Variants in ZAP70 observed in about 807,000 individuals in gnomAD.
ZAP70 encodes the protein tyrosine-protein kinase ZAP-70.
Under a neutral mutation model 65.8 loss-of-function variants are expected in ZAP70, and 27 were observed. The observed-to-expected ratio is 0.41, with a 90% CI of 0.30 to 0.57. The LOEUF (loss-of-function observed/expected upper bound fraction) is 0.57, where lower values mean the gene tolerates loss of function less well. Among genes scored for constraint, ZAP70 ranks in the 20% least tolerant of loss-of-function variants. ZAP70 has a pLI of 0.28. For missense variants in ZAP70, 696 were observed against 870.5 expected, an observed-to-expected ratio of 0.80 and a Z score of 2.52; for synonymous variants, 363 against 360.8, an observed-to-expected ratio of 1.01 and a Z score of -0.07.
At position 97,733,533 on chromosome 2, in the gene ZAP70, G is replaced by GCCTT; in HGVS notation, c.838-11_838-10insCCTT. 1.2e-6 allele frequency: 2 copies of GCCTT among 1,613,644 alleles called. No homozygotes were observed. Among genetic ancestry groups the GCCTT allele is most frequent in the Non-Finnish European group, 8.5e-7 (1 of 1,179,982 alleles). Reference sequence around the variant, plus strand: ...CCCCAGCTCAGGCCTTGCTGACCCTGTGGCCTTTAGCCTCAGAGACGAATC... The same window carrying GCCTT: ...CCCCAGCTCAGGCCTTGCTGACCCTGCCTTTGGCCTTTAGCCTCAGAGACGAATC... On this transcript the variant is annotated splice_polypyrimidine_tract_variant and intron_variant, in intron 7 of 13. Coordinates refer to ENST00000264972, the MANE Select transcript of ZAP70 (RefSeq NM_001079.4).
At position 97,734,689 on chromosome 2, in the gene ZAP70, C is replaced by A; in HGVS notation, c.1059C>A (p.Arg353=). ...GCTGCGGCAACTTTGGCTCAGTGCG[C>A]CAGGGCGTGTACCGCATGCGCAAGT... is the stretch of plus-strand genomic sequence containing the variant. ...ELGCGNFGSV[R]QGVYRMRKKQ... is the part of the protein sequence containing the mutation. Residue 353 remains arginine (R), a synonymous_variant, in exon 9 of 14, where the codon CGC becomes CGA. Transcript: ENST00000264972. The A allele has an allele frequency of 6.2e-7, 1 of 1,614,054 alleles. No individual in the cohort carries two copies. The highest frequency in any genetic ancestry group is 1.1e-5 in the South Asian group (1 of 91,088).
Position 97,739,681 on chromosome 2 carries a change from G to A in ZAP70, c.*183G>A, listed in dbSNP as rs199740697. 4 of 982,400 alleles carry A rather than the reference G, an allele frequency of 4.1e-6. No individual in the cohort carries two copies. Among genetic ancestry groups the A allele is most frequent in the Non-Finnish European group, 5.9e-6 (4 of 675,980 alleles). 60.9% of individuals were successfully genotyped at this position (982,400 alleles called of 1,614,324 possible). The stretch of plus-strand genomic sequence containing the variant: ...CTGGCCCCCTGTCCTCTCTGGCTGG[G>A]GAGCAGGGAGGTCCGGGAGGGTGCG... On this transcript the variant is annotated 3_prime_UTR_variant, in exon 14 of 14. Coordinates refer to ENST00000264972, the MANE Select transcript of ZAP70 (RefSeq NM_001079.4).
At chr2:97,735,115 T>C (rs1333065932) in intron 9 of ZAP70, 135 bp from the exon 10 acceptor site, 15 of 1,083,270 alleles carry the variant, frequency 1.4e-5, no homozygotes, top group Non-Finnish European at 1.9e-5. Context: ...TTGAGCGCCT[T>C]GGTCCCAGCC....
rs1677298086 is a variant in ZAP70, at chr2:97,724,513, A to G, written c.402+75A>G. 4.0e-6 allele frequency: 6 copies of G among 1,514,630 alleles called. No homozygotes were observed. The South Asian group carries it at 7.4e-5, about 19-fold the overall frequency. The allele number at this position is 1,514,630 out of a possible 1,614,324, so 93.8% of individuals were successfully genotyped here. A position where few individuals can be genotyped will look rare whatever the true frequency, so the allele number is the denominator to read the frequency against. The stretch of plus-strand genomic sequence containing the variant: ...GGGCAGTCGAGGGTTTTGGGGGGAT[A>G]GGAGGGAGGAAAAGGTCGTCTTCCC... On this transcript the variant is annotated intron_variant, in intron 3 of 13. Transcript: ENST00000264972.
At position 97,725,194 on chromosome 2, in the gene ZAP70, A is replaced by C; in HGVS notation, c.505A>C (p.Thr169Pro). 2 of 1,614,082 alleles carry C rather than the reference A, an allele frequency of 1.2e-6. No individual in the cohort carries two copies. The change falls in exon 4 of 14, where the codon ACG becomes CCG. Residue 169 changes from threonine to proline, a missense_variant. Thr to Pro is a conservative substitution (Grantham distance 38, BLOSUM62 -1). Around this residue, in one of 3 missense-constraint regions of ZAP70, gnomAD observed 551 missense variants for 630.0 expected, o/e 0.87. Transcript: ENST00000264972. ...GATGCCCTGGTACCACAGCAGCCTG[A>C]CGCGTGAGGAGGCCGAGCGCAAACT... ...ERMPWYHSSL[T>P]REEAERKLYS... is the part of the protein sequence containing the mutation.
intron 2 of ZAP70, among the ~76,000 whole-genome samples, chr2:97,717,370 A>ACATGCGGAGCCTCTGGCTGGGGG (rs1676971021): frequency 2.9e-5 from 3 of 103,238 alleles, no homozygotes; most frequent in African/African-American, 9.0e-5. Context: ...CTGGCTGGGG[A>ACATGCGGAGCCTCTGGCTGGGGG]GACATGCGGA....
In ZAP70 at chr2:97,731,429, T is replaced by C. The variant is rs976182934; in HGVS notation, c.564-1454T>C. ...CCCAGCCTACTGTCTCTGTGGGATG[T>C]TTGTTTCCTAATTTGTGGTGGGTTC... is the stretch of plus-strand genomic sequence containing the variant. On this transcript the variant is annotated intron_variant, in intron 4 of 13. Transcript: ENST00000264972. This position sits in a 1 kb window ranked among gnomAD's most constrained non-coding sequence, Gnocchi z 4.0. Among the ~76,000 whole-genome samples the C allele has an allele frequency of 9.2e-5, 14 of 152,050 alleles. No homozygotes were observed. Among genetic ancestry groups the C allele is most frequent in the African/African-American group, 3.4e-4 (14 of 41,406 alleles).
At chr2:97,734,422 G>A (rs955373496) in intron 8 of ZAP70, 98 bp from the exon 9 acceptor site, 125 of 1,480,310 alleles carry the variant, frequency 8.4e-5, no homozygotes, top group Non-Finnish European at 1.1e-4. Context: ...CTCCAGGGAC[G>A]GCACCCTTGT....
downstream of ZAP70, among the ~76,000 whole-genome samples, chr2:97,742,095 CG>C (rs1255841921): frequency 7.9e-5 from 12 of 152,034 alleles, no homozygotes; most frequent in Admixed American, 6.5e-5. Flanking sequence ...GAGGTTTTGG[CG>C]GGGCTGGAAG....
Position 97,739,631 on chromosome 2 carries a change from G to A in ZAP70, c.*133G>A. On this transcript the variant is annotated 3_prime_UTR_variant, in exon 14 of 14. Coordinates refer to ENST00000264972, the MANE Select transcript of ZAP70 (RefSeq NM_001079.4). Reference sequence around the variant, plus strand: ...TGGGCTGTGGTAGGGGGTGTCTCAGGCCACACCGGCCTTGCATTGCCTGCC... The same window carrying A: ...TGGGCTGTGGTAGGGGGTGTCTCAGACCACACCGGCCTTGCATTGCCTGCC... 2 of 1,364,448 alleles carry A rather than the reference G, an allele frequency of 1.5e-6. No individual in the cohort carries two copies. The highest frequency in any genetic ancestry group is 2.0e-6 in the Non-Finnish European group (2 of 1,009,444). 84.5% of individuals were successfully genotyped at this position (1,364,448 alleles called of 1,614,324 possible). A position where few individuals can be genotyped will look rare whatever the true frequency, so the allele number is the denominator to read the frequency against.
chr2:97,735,270 T>C lies in ZAP70; in HGVS notation c.1103T>C (p.Ile368Thr). Residue 368 changes from isoleucine (I) to threonine (T), a missense_variant, in exon 10 of 14, where the codon ATC becomes ACC. By Grantham distance (89) the Ile-to-Thr change is moderately conservative. Transcript: ENST00000264972. Reference sequence around the variant, plus strand: ...GGCAGGAAGCAGATCGACGTGGCCATCAAGGTGCTGAAGCAGGGCACGGAG... The same window carrying C: ...GGCAGGAAGCAGATCGACGTGGCCACCAAGGTGCTGAAGCAGGGCACGGAG... Reference protein sequence around the residue: ...RMRKKQIDVAIKVLKQGTEKA... With the variant: ...RMRKKQIDVATKVLKQGTEKA... 6.2e-7 allele frequency: 1 copy of C among 1,613,914 alleles called. No homozygotes were observed. The highest frequency in any genetic ancestry group is 8.5e-7 in the Non-Finnish European group (1 of 1,179,940).
At chr2:97,735,538 G>A (rs185558665) in intron 10 of ZAP70, 82 bp downstream of exon 10, 3 of 1,502,122 alleles carry the variant, frequency 2.0e-6, no homozygotes, top group East Asian at 4.5e-5. Flanking sequence ...CCGCGTGCAT[G>A]CGTGTGTGGG....
intron 3 of ZAP70, 104 bp downstream of exon 3, chr2:97,724,542 T>C (rs1476882051): frequency 5.2e-6 from 8 of 1,531,216 alleles, no homozygotes; most frequent in Non-Finnish European, 6.1e-6. Flanking sequence ...TCTTCCCCAT[T>C]CAGTCCCCTT....
chr2:97,749,680 C>T, the ZAP70 span, among the ~76,000 whole-genome samples: 1 of 152,224 alleles, frequency 6.6e-6, no homozygotes, highest in African/African-American at 2.4e-5. Context: ...GATGCAGCCT[C>T]CTCTCCCTGC....
intron 13 of ZAP70, 90 bp downstream of exon 13, chr2:97,738,197 T>G (rs886527912): frequency 1.6e-6 from 2 of 1,286,500 alleles, no homozygotes; most frequent in African/African-American, 2.9e-5. Context: ...CTCTACCCAA[T>G]GTCATCTCAC....
In ZAP70 at chr2:97,733,283, T is replaced by A; in HGVS notation, c.791-14T>A. ...CCTGGCCCCCAGCCCTCACTGTCCC[T>A]TCTGCTCCCCCAGGGGCTGCTGCTC... is the stretch of plus-strand genomic sequence containing the variant. On this transcript the variant is annotated splice_polypyrimidine_tract_variant and intron_variant, in intron 6 of 13. Transcript: ENST00000264972. 1 of 1,607,666 alleles carries A rather than the reference T, an allele frequency of 6.2e-7. No individual in the cohort carries two copies.
intron 4 of ZAP70, among the ~76,000 whole-genome samples, chr2:97,729,607 C>A (rs1000793176): frequency 6.6e-6 from 1 of 152,058 alleles, no homozygotes; most frequent in African/African-American, 2.4e-5. Context: ...AGATGTAGCT[C>A]TTATAGGTTC....
Position 97,733,603 on chromosome 2 carries a change from G to C in ZAP70, c.889+8G>C, listed in dbSNP as rs774658245. On this transcript the variant is annotated splice_region_variant and intron_variant, in intron 8 of 13. Coordinates refer to ENST00000264972, the MANE Select transcript of ZAP70 (RefSeq NM_001079.4). Reference sequence around the variant, plus strand: ...GATACACCCCTGAGCCAGGTGAGCGGGCAGAGGTGGGGACGCGGGTTGGGG... The same window carrying C: ...GATACACCCCTGAGCCAGGTGAGCGCGCAGAGGTGGGGACGCGGGTTGGGG... 6.8e-6 allele frequency: 11 copies of C among 1,613,570 alleles called. No homozygotes were observed. The South Asian group carries it at 1.1e-4, about 16-fold the overall frequency.
intron 8 of ZAP70, 121 bp downstream of exon 8, chr2:97,733,716 CTTGG>C (rs1190156961): frequency 6.3e-5 from 78 of 1,241,984 alleles, no homozygotes; most frequent in Non-Finnish European, 9.1e-5. Context: ...TGGCAGTTGG[CTTGG>C]TTAACACCTG....
Sources: gnomAD v4.1 joint callset for allele counts (sites outside exome capture counted in the v4.1 genomes callset) on GRCh38, gnomAD v4.1.1 for gene constraint, gnomAD v4.1.1 regional missense constraint, Gnocchi (gnomAD v3.1) non-coding constraint, MANE v1.5 for transcripts, NCBI Gene and HGNC (gene_info 2026-07-23, HGNC 2026-07-21) for gene names.